LAMA3: variants seen among roughly 807,000 people sequenced by gnomAD.
LAMA3 encodes laminin subunit alpha 3, also known as laminin subunit alpha-3.
Under a neutral mutation model 402.0 loss-of-function variants are expected in LAMA3, and 281 were observed. The observed-to-expected ratio is 0.70, with a 90% CI of 0.63 to 0.77. LAMA3 has a LOEUF of 0.77. LAMA3 is among the 30% of genes least tolerant of loss of function. The pLI is 0.00. For synonymous variants in LAMA3, 1,431 were observed against 1,558.4 expected (o/e 0.92, Z 1.93); for missense variants, 3,840 against 4,215.5 (o/e 0.91, Z 2.47).
intron 13 of LAMA3, among the ~76,000 whole-genome samples, chr18:23,812,691 G>A (rs1449560949): frequency 2.0e-5 from 3 of 152,190 alleles, no homozygotes; most frequent in Non-Finnish European, 4.4e-5. Flanking sequence ...ATTCTAGAAC[G>A]TCTTTTAAAT....
At chr18:23,803,762 A>C (rs2062909830) in intron 12 of LAMA3, among the ~76,000 whole-genome samples, 1 of 152,220 alleles carries the variant, frequency 6.6e-6, no homozygotes, top group Non-Finnish European at 1.5e-5. Context: ...AAAGGCACAA[A>C]TGTGCTGCAG....
At chr18:23,937,610 C>T (rs1448106865) in intron 67 of LAMA3, among the ~76,000 whole-genome samples, 1 of 152,070 alleles carries the variant, frequency 6.6e-6, no homozygotes, top group Non-Finnish European at 1.5e-5. Flanking sequence ...CATTTGGTGG[C>T]AAAGGCTGTC....
chr18:23,876,477 C>A, intron 39 of LAMA3, 70 bp downstream of exon 39: 1 of 995,072 alleles, frequency 1.0e-6, no homozygotes, highest in Non-Finnish European at 1.6e-6. Flanking sequence ...GTACTATGCC[C>A]AAAGACATCA....
At chr18:23,711,649 A>C (rs1248607183) in intron 1 of LAMA3, among the ~76,000 whole-genome samples, 1 of 152,190 alleles carries the variant, frequency 6.6e-6, no homozygotes, top group East Asian at 1.9e-4. Flanking sequence ...TGATTCTACC[A>C]TTGACCAGTG....
At chr18:23,811,342 G>C (rs2063065324) in intron 13 of LAMA3, among the ~76,000 whole-genome samples, 1 of 152,160 alleles carries the variant, frequency 6.6e-6, no homozygotes, top group African/African-American at 2.4e-5. Flanking sequence ...AGGAGAATGT[G>C]GTTTCTCAGA....
intron 44 of LAMA3, among the ~76,000 whole-genome samples, chr18:23,896,027 A>G (rs2080863484): frequency 6.6e-6 from 1 of 152,292 alleles, no homozygotes; most frequent in Non-Finnish European, 1.5e-5. Flanking sequence ...ACGTATCTGT[A>G]ACCCATGTGT....
intron 30 of LAMA3, 28 bp from the exon 31 acceptor site, chr18:23,846,269 T>A (rs762453388): frequency 6.2e-7 from 1 of 1,611,614 alleles, no homozygotes; most frequent in South Asian, 1.1e-5. Flanking sequence ...TCCCCAGGCA[T>A]CACCATGAGT....
At chr18:23,729,910 G>A (rs969974227) in intron 2 of LAMA3, among the ~76,000 whole-genome samples, 1 of 152,236 alleles carries the variant, frequency 6.6e-6, no homozygotes, top group Non-Finnish European at 1.5e-5. Context: ...GCTGGGCTTA[G>A]CTGGAATGCT....
At chr18:23,827,146 A>G (rs1003134758) in intron 22 of LAMA3, among the ~76,000 whole-genome samples, 168 bp from the exon 23 acceptor site, 35 of 152,230 alleles carry the variant, frequency 2.3e-4, no homozygotes, top group African/African-American at 6.8e-4. Context: ...CATGCAGATG[A>G]AAATTTATTG....
chr18:23,931,211 A>G lies in LAMA3; in HGVS notation c.8576+10A>G, dbSNP rs1406796590. ...TAAGCGACAACTCTGGGTGAGTGGA[A>G]TAATACTTCTGTCAGAGCTGTGAGT... On this transcript the variant is annotated intron_variant, in intron 65 of 74. Transcript: ENST00000313654. 1.9e-6 allele frequency: 3 copies of G among 1,607,650 alleles called. No homozygotes were observed. The highest frequency in any genetic ancestry group is 1.7e-5 in the Admixed American group (1 of 60,014).
chr18:23,751,316 G>A (rs955211311), intron 5 of LAMA3, among the ~76,000 whole-genome samples: 1 of 152,060 alleles, frequency 6.6e-6, no homozygotes, highest in Non-Finnish European at 1.5e-5. Flanking sequence ...AAAGGCAAAT[G>A]ATTATAGTCA....
intron 2 of LAMA3, among the ~76,000 whole-genome samples, chr18:23,725,500 T>TG (rs1454844337): frequency 1.3e-5 from 2 of 152,052 alleles, no homozygotes; most frequent in African/African-American, 2.4e-5. Flanking sequence ...GCTGAGTCAC[T>TG]GGGGGTGTGT....
chr18:23,819,921 A>G lies in LAMA3; in HGVS notation c.2228A>G (p.Asp743Gly). 6.2e-7 allele frequency: 1 copy of G among 1,614,104 alleles called. No individual in the cohort carries two copies. The highest frequency in any genetic ancestry group is 8.5e-7 in the Non-Finnish European group (1 of 1,179,972). Residue 743 changes from aspartate to glycine, a missense_variant, in exon 19 of 75, where the codon GAC (aspartate) becomes GGC (glycine). By Grantham distance (94) the Asp-to-Gly change is moderately conservative. Coordinates refer to ENST00000313654, the MANE Select transcript of LAMA3 (RefSeq NM_198129.4). ...GACGGCAGCACACCTAATGGGAGAG[A>G]CCTTCGATTTGGATTTGATCCGCTG... is the stretch of plus-strand genomic sequence containing the variant. ...IEDGSTPNGR[D>G]LRFGFDPLAF...
At chr18:23,882,667 G>C (rs1337838566) in intron 40 of LAMA3, among the ~76,000 whole-genome samples, 1 of 151,556 alleles carries the variant, frequency 6.6e-6, no homozygotes, top group African/African-American at 2.4e-5. Flanking sequence ...TATACTTCCA[G>C]GCTTTTCCTT....
At chr18:23,721,426 C>G (rs551377759) in intron 2 of LAMA3, among the ~76,000 whole-genome samples, 2 of 152,256 alleles carry the variant, frequency 1.3e-5, no homozygotes, top group Non-Finnish European at 2.9e-5. Context: ...TTTATTCTAA[C>G]CAGCCCGAAT....
chr18:23,704,803 T>A (rs2060855499), intron 1 of LAMA3, among the ~76,000 whole-genome samples: 1 of 152,208 alleles, frequency 6.6e-6, no homozygotes, highest in Non-Finnish European at 1.5e-5. Flanking sequence ...GCTATAATCA[T>A]CCTCTAGCTT....
intron 40 of LAMA3, among the ~76,000 whole-genome samples, chr18:23,883,742 G>A (rs2064977608): frequency 1.3e-5 from 2 of 152,248 alleles, no homozygotes; most frequent in African/African-American, 2.4e-5. Context: ...GTAGAAAGCA[G>A]CGAGATTTCC....
rs367895380 is a variant in LAMA3 at position 23,709,292 on chromosome 18, C to T, written c.295-4628C>T. 2.3e-4 allele frequency among the ~76,000 whole-genome samples: 35 copies of T among 152,218 alleles called. No individual in the cohort carries two copies. In the East Asian group the frequency reaches 5.8e-3, roughly 25 times the overall value. ...TTCTCCATGTTGCCGAGGCTGCTCT[C>T]GAACTCCTGGGCTCAAGCAATCTGC... On this transcript the variant is annotated intron_variant, in intron 1 of 74. Coordinates refer to ENST00000313654, the MANE Select transcript of LAMA3 (RefSeq NM_198129.4).
At chr18:23,702,533 C>T (rs2060809950) in intron 1 of LAMA3, among the ~76,000 whole-genome samples, 1 of 152,062 alleles carries the variant, frequency 6.6e-6, no homozygotes, top group African/African-American at 2.4e-5. Context: ...CACTTTGTTG[C>T]CCAGGCCGGT....
Sources: gnomAD v4.1 joint callset for allele counts (sites outside exome capture counted in the v4.1 genomes callset) on GRCh38, gnomAD v4.1.1 for gene constraint, MANE v1.5 for transcripts, NCBI Gene and HGNC (gene_info 2026-07-23, HGNC 2026-07-21) for gene names.